CAST: variants seen among roughly 807,000 people sequenced by gnomAD.
CAST encodes the protein MIR583 host.
CAST carries 76 observed loss-of-function variants against 119.6 expected under a neutral mutation model. The ratio of observed to expected loss-of-function variants is 0.64; its 90% CI spans 0.53 to 0.77. The LOEUF (loss-of-function observed/expected upper bound fraction) is 0.77, where lower values mean the gene tolerates loss of function less well. CAST is among the 30% of genes least tolerant of loss of function. The pLI is 0.00. For missense variants in CAST, 953 were observed against 946.5 expected, an observed-to-expected ratio of 1.01 and a Z score of -0.09; for synonymous variants, 319 against 331.6, an observed-to-expected ratio of 0.96 and a Z score of 0.41.
chr5:96,258,449 C>G, the CAST span, among the ~76,000 whole-genome samples: 1 of 152,138 alleles, frequency 6.6e-6, no homozygotes. Context: ...AAGATAAATG[C>G]TTTTTCACAT....
chr5:96,226,718 T>A, the CAST span, among the ~76,000 whole-genome samples: 1 of 152,162 alleles, frequency 6.6e-6, no homozygotes, highest in African/African-American at 2.4e-5. Context: ...CAGATAGTAA[T>A]TCATGTTTTC....
At position 96,534,825 on chromosome 5, in the gene CAST, G is replaced by C. The variant is rs187818945; in HGVS notation, c.60+4945G>C. On this transcript the variant is annotated intron_variant, in intron 1 of 11. Transcript: ENST00000505143. ...AGAAGAAAGAAAGAAAGAAAGAAAA[G>C]AAAGAAGGAAAGAAGGAAGGAAGGA... Among the ~76,000 whole-genome samples, 424 of 134,884 alleles carry C rather than the reference G, an allele frequency of 3.1e-3. 7 individuals carry two copies. The highest frequency in any genetic ancestry group is 0.011 in the African/African-American group (408 of 35,660). 88.5% of individuals were successfully genotyped at this position (134,884 alleles called of 152,430 possible). A position where few individuals can be genotyped will look rare whatever the true frequency, so the allele number is the denominator to read the frequency against.
chr5:96,408,225 T>G, the CAST span: 1 of 1,611,656 alleles, frequency 6.2e-7, no homozygotes, highest in South Asian at 1.1e-5. Flanking sequence ...GGCCTTACTT[T>G]GCTTCCAGGG....
At chr5:96,637,325 G>A (rs1747899972) in intron 1 of CAST, among the ~76,000 whole-genome samples, 2 of 152,190 alleles carry the variant, frequency 1.3e-5, no homozygotes, top group Non-Finnish European at 2.9e-5. Context: ...GCTCAAGCTA[G>A]TATGTTCACA....
intron 1 of CAST, among the ~76,000 whole-genome samples, chr5:96,565,077 G>GTGT (rs141173880): frequency 1.3e-5 from 2 of 148,642 alleles, no homozygotes; most frequent in Non-Finnish European, 3.0e-5. Flanking sequence ...ACATGGGAAA[G>GTGT]GTGTGTGTGT....
the CAST span, among the ~76,000 whole-genome samples, chr5:96,489,736 T>C: frequency 2.6e-5 from 4 of 152,136 alleles, no homozygotes; most frequent in Non-Finnish European, 5.9e-5. Flanking sequence ...GCTATAAAGA[T>C]ACTACTTAGA....
chr5:96,642,615 C>G (rs1469316558), intron 1 of CAST, among the ~76,000 whole-genome samples: 2 of 151,030 alleles, frequency 1.3e-5, no homozygotes, highest in Non-Finnish European at 2.9e-5. Flanking sequence ...GATCTCGGCT[C>G]AGTGCAACCT....
chr5:96,662,166 G>C (rs1039950195), upstream of CAST: 1 of 409,346 alleles, frequency 2.4e-6, no homozygotes. Flanking sequence ...GGGTCACCGG[G>C]TGAGGACCGG....
the CAST span, among the ~76,000 whole-genome samples, chr5:96,209,248 A>G: frequency 6.6e-6 from 1 of 151,856 alleles, no homozygotes; most frequent in Non-Finnish European, 1.5e-5. Flanking sequence ...GACAGGATAC[A>G]GTTAGGTCTT....
chr5:96,558,992 C>A (rs559052504), intron 1 of CAST, among the ~76,000 whole-genome samples: 123 of 152,166 alleles, frequency 8.1e-4, no homozygotes, highest in Non-Finnish European at 1.6e-3. Context: ...AGCAGCACAT[C>A]AAAAAGCTTA....
chr5:96,167,198 C>A, the CAST span, among the ~76,000 whole-genome samples: 5 of 152,132 alleles, frequency 3.3e-5, no homozygotes, highest in Non-Finnish European at 7.3e-5. Flanking sequence ...GCCCTGCCAG[C>A]AAAGATTATT....
chr5:96,613,547 C>T (rs746719534), intron 1 of CAST, among the ~76,000 whole-genome samples: 28 of 152,270 alleles, frequency 1.8e-4, no homozygotes, highest in Middle Eastern at 3.4e-3. Flanking sequence ...AAGTAACTCA[C>T]CATGTTATCA....
At chr5:96,669,593 G>T (rs1282162319) in intron 1 of CAST, among the ~76,000 whole-genome samples, 2 of 152,178 alleles carry the variant, frequency 1.3e-5, no homozygotes, top group Non-Finnish European at 2.9e-5. Context: ...AGAAAATAGA[G>T]ATTAATGTGC....
At chr5:96,038,519 G>C in the CAST span, among the ~76,000 whole-genome samples, 1 of 151,512 alleles carries the variant, frequency 6.6e-6, no homozygotes, top group African/African-American at 2.4e-5. Flanking sequence ...TATCCCTCCT[G>C]TAGCCCCCCC....
the CAST span, among the ~76,000 whole-genome samples, chr5:96,313,074 G>A: frequency 6.6e-6 from 1 of 152,070 alleles, no homozygotes; most frequent in African/African-American, 2.4e-5. Flanking sequence ...GCCAACAAAA[G>A]GATAAAGATC....
At chr5:96,405,053 A>G in the CAST span, among the ~76,000 whole-genome samples, 14 of 152,294 alleles carry the variant, frequency 9.2e-5, no homozygotes, top group Admixed American at 7.8e-4. Context: ...GCTTGGTCAC[A>G]TGTCTAGAAA....
At chr5:96,354,742 A>C in the CAST span, among the ~76,000 whole-genome samples, 7 of 149,196 alleles carry the variant, frequency 4.7e-5, no homozygotes, top group African/African-American at 1.7e-4. Flanking sequence ...TATGCATATT[A>C]TTAATTTTAT....
chr5:96,770,196 G>T, intron 29 of CAST: 1 of 288,522 alleles, frequency 3.5e-6, no homozygotes, highest in Non-Finnish European at 6.9e-6. Context: ...AGTGTACTAG[G>T]GTTCCCTTTT....
the CAST span, among the ~76,000 whole-genome samples, chr5:96,009,573 T>G: frequency 6.6e-6 from 1 of 152,196 alleles, no homozygotes; most frequent in Non-Finnish European, 1.5e-5. Flanking sequence ...TTTTTCATAT[T>G]TGCTGGCTAC....
Sources: gnomAD v4.1 joint callset for allele counts (sites outside exome capture counted in the v4.1 genomes callset) on GRCh38, gnomAD v4.1.1 for gene constraint, MANE v1.5 for transcripts, NCBI Gene and HGNC (gene_info 2026-07-23, HGNC 2026-07-21) for gene names.